The following KCTD13 variants were observed in gnomAD, a reference collection of about 807,000 sequenced individuals.
KCTD13 encodes potassium channel tetramerization domain containing 13.
KCTD13 carries 15 observed loss-of-function variants against 32.3 expected under a neutral mutation model. The ratio of observed to expected loss-of-function variants is 0.46; its 90% CI spans 0.31 to 0.71. The LOEUF (loss-of-function observed/expected upper bound fraction) is 0.71, where lower values mean the gene tolerates loss of function less well. Ranked by LOEUF, KCTD13 falls within the 30% of genes least tolerant of loss-of-function variation. The pLI, the probability that KCTD13 is intolerant of heterozygous loss-of-function variation, is 0.05. For missense variants in KCTD13, 337 were observed against 452.6 expected (o/e 0.74, Z 2.32); for synonymous variants, 189 against 200.1 (o/e 0.94, Z 0.47).
intron 5 of KCTD13, among the ~76,000 whole-genome samples, chr16:29,907,989 AAAAG>A (rs2150832262): frequency 6.6e-6 from 1 of 151,922 alleles, no homozygotes; most frequent in South Asian, 2.1e-4. Flanking sequence ...TAAAAAAAAA[AAAAG>A]AGAGAGAGAG....
At chr16:29,917,214 T>G (rs2068825125) in intron 2 of KCTD13, among the ~76,000 whole-genome samples, 1 of 152,158 alleles carries the variant, frequency 6.6e-6, no homozygotes, top group African/African-American at 2.4e-5. Context: ...GCTGGCTACC[T>G]CTGGACTGTT....
chr16:29,921,600 G>A (rs576421020), intron 2 of KCTD13: 12 of 152,266 alleles, frequency 7.9e-5, no homozygotes, highest in African/African-American at 2.6e-4. Context: ...AATTGCTCCT[G>A]ACACACAGTG....
rs200481843 is a variant in KCTD13 at position 29,926,080 on chromosome 16, T to C, written c.-47A>G. The C allele has an allele frequency of 2.2e-4, 313 of 1,447,552 alleles. No homozygotes were observed. Among genetic ancestry groups the C allele is most frequent in the Non-Finnish European group, 2.8e-4 (308 of 1,107,882 alleles). 89.7% of individuals were successfully genotyped at this position (1,447,552 alleles called of 1,614,324 possible). A position where few individuals can be genotyped will look rare whatever the true frequency, so the allele number is the denominator to read the frequency against. On this transcript the variant is annotated 5_prime_UTR_variant, in exon 1 of 6. Coordinates refer to ENST00000568000, the MANE Select transcript of KCTD13 (RefSeq NM_178863.5). Reference sequence around the variant, plus strand: ...GCGATCCCAGGATCTCTCCGCGCCCTGCGGCCTGCTCCCGAAGACCCTCGG... The same window carrying C: ...GCGATCCCAGGATCTCTCCGCGCCCCGCGGCCTGCTCCCGAAGACCCTCGG...
At position 29,907,032 on chromosome 16, in the gene KCTD13, G is replaced by A. The variant is rs2068625670; in HGVS notation, c.830C>T (p.Pro277Leu). 3.1e-6 allele frequency: 5 copies of A among 1,614,140 alleles called. No individual in the cohort carries two copies. Among genetic ancestry groups the A allele is most frequent in the Non-Finnish European group, 8.5e-7 (1 of 1,179,972 alleles). ...LIYETPRGPD[P>L]ALLEATGGAA... ...TCCCCCTGTGGCCTCCAGGAGGGCT[G>A]GGTCTGGGCCCCGGGGAGTCTCGTA... is the stretch of plus-strand genomic sequence containing the variant. Residue 277 changes from proline (P) to leucine (L), a missense_variant, in exon 6 of 6, where the codon CCA (proline) becomes CTA (leucine). This residue lies in a region of KCTD13 where 252 missense variants were observed against 340.2 expected (regional missense o/e 0.74). Transcript: ENST00000568000.
chr16:29,911,647 C>A, intron 4 of KCTD13, 168 bp downstream of exon 4: 1 of 648,992 alleles, frequency 1.5e-6, no homozygotes, highest in Non-Finnish European at 2.7e-6. Flanking sequence ...AGCTGAGAAG[C>A]AGAAAGGACC....
rs376191403 is a variant in KCTD13, at chr16:29,926,004, G to C, written c.30C>G (p.Ala10=). The part of the protein sequence containing the change: MSAEASGPA[A]AAAPSLEAPK... ...GGGCTTCCAGGGACGGGGCCGCGGC[G>C]GCAGCCGGGCCCGAGGCCTCCGCCG... The change falls in exon 1 of 6, where the codon GCC becomes GCG. Residue 10 remains alanine (A), a synonymous_variant. Coordinates refer to ENST00000568000, the MANE Select transcript of KCTD13 (RefSeq NM_178863.5). 6.3e-7 allele frequency: 1 copy of C among 1,580,520 alleles called. No individual in the cohort carries two copies. The highest frequency in any genetic ancestry group is 1.1e-5 in the South Asian group (1 of 88,420).
chr16:29,907,129 C>T (rs1158469537), intron 5 of KCTD13, 21 bp from the exon 6 acceptor site: 3 of 1,550,962 alleles, frequency 1.9e-6, no homozygotes, highest in African/African-American at 2.7e-5. Context: ...CCAGCCGGCC[C>T]CAGCTCCTTC....
intron 4 of KCTD13, 155 bp from the exon 5 acceptor site, chr16:29,911,328 C>T (rs755370398): frequency 4.5e-5 from 29 of 638,570 alleles, no homozygotes; most frequent in East Asian, 1.1e-4. Context: ...CCAGGCTAAA[C>T]GGGTCTCAGA....
At position 29,923,302 on chromosome 16, in the gene KCTD13, C is replaced by G; in HGVS notation, c.302G>C (p.Arg101Pro). The stretch of plus-strand genomic sequence containing the variant: ...CTCCGGCAGTGGCACAGACCCATCC[C>G]GCAGGTAATTGAGGATTGTACCAAA... ...RHFGTILNYLRDGSVPLPEST... is the reference protein window; with the variant it reads ...RHFGTILNYLPDGSVPLPEST... The change falls in exon 2 of 6, where the codon CGG (arginine) becomes CCG (proline). Residue 101 changes from arginine to proline, a missense_variant. Coordinates refer to ENST00000568000, the MANE Select transcript of KCTD13 (RefSeq NM_178863.5). The G allele has an allele frequency of 6.2e-7, 1 of 1,614,134 alleles. No homozygotes were observed. The highest frequency in any genetic ancestry group is 1.1e-5 in the South Asian group (1 of 91,082).
chr16:29,918,407 C>T (rs8052502), intron 2 of KCTD13, among the ~76,000 whole-genome samples: 63,997 of 152,120 alleles, frequency 0.42, 14,978 homozygotes, highest in Non-Finnish European at 0.53. Context: ...GAAATACATA[C>T]ATAATATTAC....
At chr16:29,912,149 T>C (rs1041224138) in intron 2 of KCTD13, 100 bp from the exon 3 acceptor site, 45 of 774,126 alleles carry the variant, frequency 5.8e-5, no homozygotes, top group Non-Finnish European at 6.6e-6. Context: ...TCCAGACTCC[T>C]CAGTGGTCCG....
At position 29,911,834 on chromosome 16, in the gene KCTD13, T is replaced by G; in HGVS notation, c.538A>C (p.Asn180His). 1 of 1,612,678 alleles carries G rather than the reference T, an allele frequency of 6.2e-7. No individual in the cohort carries two copies. The highest frequency in any genetic ancestry group is 8.5e-7 in the Non-Finnish European group (1 of 1,179,542). ...VVKLLHNRSN[N>H]KYSYTSTSDD... ...GGTCACCTGGTGTAGGAGTACTTGTTGTTACTGCGGTTGTGCAGGAGCTTC... is the reference window on the plus strand; with the variant it reads ...GGTCACCTGGTGTAGGAGTACTTGTGGTTACTGCGGTTGTGCAGGAGCTTC... Residue 180 changes from asparagine to histidine, a missense_variant, in exon 4 of 6, where the codon AAC becomes CAC. Physicochemically the swap from Asn to His is moderately conservative, Grantham distance 68. Coordinates refer to ENST00000568000, the MANE Select transcript of KCTD13 (RefSeq NM_178863.5).
intron 2 of KCTD13, among the ~76,000 whole-genome samples, chr16:29,918,719 C>T (rs1411572019): frequency 2.6e-5 from 4 of 152,078 alleles, no homozygotes; most frequent in Non-Finnish European, 5.9e-5. Context: ...TGCAGTGGCA[C>T]GATCTCGGCT....
At position 29,911,812 on chromosome 16, in the gene KCTD13, C is replaced by T; in HGVS notation, c.557+3G>A. 6.2e-7 allele frequency: 1 copy of T among 1,612,578 alleles called. No individual in the cohort carries two copies. Among genetic ancestry groups the T allele is most frequent in the Non-Finnish European group, 8.5e-7 (1 of 1,179,650 alleles). ...GCCCAGTGCCCCGCACCCCGGCGGT[C>T]ACCTGGTGTAGGAGTACTTGTTGTT... On this transcript the variant is annotated splice_donor_region_variant and intron_variant, in intron 4 of 5. Transcript: ENST00000568000.
At chr16:29,918,265 G>A (rs1201272999) in intron 2 of KCTD13, among the ~76,000 whole-genome samples, 1 of 152,132 alleles carries the variant, frequency 6.6e-6, no homozygotes, top group Non-Finnish European at 1.5e-5. Flanking sequence ...TTATTTTATA[G>A]TTAGCAACAA....
intron 2 of KCTD13, 66 bp downstream of exon 2, chr16:29,923,124 C>T (rs1279905332): frequency 2.6e-6 from 4 of 1,549,180 alleles, no homozygotes; most frequent in Admixed American, 1.9e-5. Context: ...CTCCTTTTTT[C>T]TGCTCTAATA....
Position 29,926,158 on chromosome 16 carries a change from A to T in KCTD13, c.-125T>A. On this transcript the variant is annotated 5_prime_UTR_variant, in exon 1 of 6. Coordinates refer to ENST00000568000, the MANE Select transcript of KCTD13 (RefSeq NM_178863.5). ...CTCGGCGCACACGCCCACTCACCGCAGCTACTCTGCAAGACCGGCCCTCCG... is the reference window on the plus strand; with the variant it reads ...CTCGGCGCACACGCCCACTCACCGCTGCTACTCTGCAAGACCGGCCCTCCG... The T allele has an allele frequency of 4.4e-6, 5 of 1,143,360 alleles. No individual in the cohort carries two copies. Among genetic ancestry groups the T allele is most frequent in the Admixed American group, 3.6e-5 (1 of 27,454 alleles). The allele number at this position is 1,143,360 out of a possible 1,614,324, so 70.8% of individuals were successfully genotyped here.
intron 2 of KCTD13, chr16:29,913,349 C>CTAT (rs2068750809): frequency 6.6e-6 from 1 of 152,072 alleles, no homozygotes; most frequent in Admixed American, 6.6e-5. Context: ...GGCACAGAAA[C>CTAT]AAAAATACCT....
At chr16:29,923,154 C>G (rs113767385) in intron 2 of KCTD13, 36 bp downstream of exon 2, 1 of 1,609,698 alleles carries the variant, frequency 6.2e-7, no homozygotes, top group Non-Finnish European at 8.5e-7. Flanking sequence ...GCAGCTCTCC[C>G]AGGAACATAG....
Sources: allele counts gnomAD v4.1 joint callset (sites outside exome capture counted in the v4.1 genomes callset), GRCh38; gene constraint gnomAD v4.1.1; regional missense constraint gnomAD v4.1.1; transcripts MANE v1.5; gene names NCBI Gene and HGNC (gene_info 2026-07-23, HGNC 2026-07-21).